The following COL28A1 variants were observed in gnomAD, a reference collection of about 807,000 sequenced individuals.
The protein encoded by COL28A1 is collagen type XXVIII alpha 1 chain, also known as collagen alpha-1(XXVIII) chain.
A neutral mutation model predicts 150.2 loss-of-function variants in COL28A1; 161 were observed. The observed-to-expected ratio is 1.07, with a 90% CI of 0.94 to 1.22. The LOEUF (loss-of-function observed/expected upper bound fraction) is 1.22. Among genes scored for constraint, COL28A1 ranks in the 50% most tolerant of loss-of-function variants. The pLI, the probability that COL28A1 is intolerant of heterozygous loss-of-function variation, is 0.00. For missense variants in COL28A1, 1,617 were observed against 1,388.3 expected (o/e 1.16, Z -2.62); for synonymous variants, 552 against 469.7 (o/e 1.18, Z -2.26).
intron 33 of COL28A1, among the ~76,000 whole-genome samples, chr7:7,366,950 T>C (rs1162878117): frequency 6.6e-6 from 1 of 152,232 alleles, no homozygotes; most frequent in Non-Finnish European, 1.5e-5. Context: ...TGTATGTGTG[T>C]ATGTATATAC....
chr7:7,385,104 T>A (rs1193365299), intron 27 of COL28A1, among the ~76,000 whole-genome samples: 3 of 152,220 alleles, frequency 2.0e-5, no homozygotes, highest in Admixed American at 6.5e-5. Context: ...TTATACCATC[T>A]TCTTCTGTTC....
intron 3 of COL28A1, among the ~76,000 whole-genome samples, chr7:7,529,753 C>T (rs1782243152): frequency 6.6e-6 from 1 of 152,220 alleles, no homozygotes; most frequent in Non-Finnish European, 1.5e-5. Context: ...TAAGTAACAA[C>T]AGCCCACTCA....
chr7:7,444,944 T>C (rs1224248276), intron 18 of COL28A1, among the ~76,000 whole-genome samples: 1 of 152,112 alleles, frequency 6.6e-6, no homozygotes, highest in Non-Finnish European at 1.5e-5. Context: ...CTTGCTGTTC[T>C]TATAATAGAG....
chr7:7,491,643 T>C (rs1779918697), intron 11 of COL28A1, among the ~76,000 whole-genome samples: 1 of 152,220 alleles, frequency 6.6e-6, no homozygotes, highest in South Asian at 2.1e-4. Flanking sequence ...GATGTGACCA[T>C]TGCACTCAAA....
At chr7:7,462,565 T>C (rs1426316989) in intron 15 of COL28A1, among the ~76,000 whole-genome samples, 2 of 152,024 alleles carry the variant, frequency 1.3e-5, no homozygotes, top group Non-Finnish European at 2.9e-5. Flanking sequence ...TGGACACACT[T>C]ACAGAAATGC....
chr7:7,423,571 CAT>C lies in COL28A1; in HGVS notation c.1999-3620_1999-3619del, dbSNP rs1197501015. Among the ~76,000 whole-genome samples, 405 of 151,730 alleles carry C rather than the reference CAT, an allele frequency of 2.7e-3. 2 individuals carry two copies. The highest frequency in any genetic ancestry group is 9.2e-3 in the African/African-American group (382 of 41,300). On this transcript the variant is annotated intron_variant, in intron 25 of 34. Transcript: ENST00000399429. ...AAATGTTACATAATTTTTTTTTTAA[CAT>C]AGGGATACGGAGAGAAGGCAAGATT...
rs867754886 is a variant in COL28A1 at position 7,386,260 on chromosome 7, C to T, written c.2137-4648G>A. Among the ~76,000 whole-genome samples the T allele has an allele frequency of 1.1e-4, 16 of 152,120 alleles. No homozygotes were observed. The East Asian group carries it at 2.1e-3, about 20-fold the overall frequency. ...CGTCAGGAAACAATGATTTTTCTTT[C>T]GAAATGTTTTCTCAGTAAGGTGTGG... On this transcript the variant is annotated intron_variant, in intron 27 of 34. Transcript: ENST00000399429.
At chr7:7,444,205 C>G (rs973390699) in intron 19 of COL28A1, among the ~76,000 whole-genome samples, 4 of 152,036 alleles carry the variant, frequency 2.6e-5, no homozygotes, top group African/African-American at 9.7e-5. Flanking sequence ...AAACACCAGA[C>G]AGAAGGCAGA....
At chr7:7,437,793 AT>A (rs1269129016) in intron 21 of COL28A1, among the ~76,000 whole-genome samples, 3 of 151,814 alleles carry the variant, frequency 2.0e-5, no homozygotes, top group East Asian at 1.9e-4. Context: ...CTCAAAGAGA[AT>A]TTTTTTTTCA....
intron 25 of COL28A1, among the ~76,000 whole-genome samples, chr7:7,425,094 T>C (rs1158147879): frequency 1.3e-5 from 2 of 151,680 alleles, no homozygotes; most frequent in Non-Finnish European, 2.9e-5. Context: ...ATAAAAATAA[T>C]ACTTATTAAG....
Position 7,419,947 on chromosome 7 carries a change from G to A in COL28A1, c.2005C>T (p.Pro669Ser), listed in dbSNP as rs1341961790. ...GVGDTGAKGE[P>S]GVRGPPGPSG... is the part of the protein sequence containing the mutation. ...GGACCTGGAGGGCCTCTGACCCCAG[G>A]CTCTCCCTGAAAAGACACAACAAAT... is the stretch of plus-strand genomic sequence containing the variant. Residue 669 changes from proline (P) to serine (S), a missense_variant, in exon 26 of 35, where the codon CCT (proline) becomes TCT (serine). Physicochemically the swap from Pro to Ser is moderately conservative, Grantham distance 74. Coordinates refer to ENST00000399429, the MANE Select transcript of COL28A1 (RefSeq NM_001037763.3). 1 of 1,588,770 alleles carries A rather than the reference G, an allele frequency of 6.3e-7. No homozygotes were observed. Among genetic ancestry groups the A allele is most frequent in the Non-Finnish European group, 8.5e-7 (1 of 1,169,850 alleles).
intron 12 of COL28A1, among the ~76,000 whole-genome samples, chr7:7,489,998 T>G (rs936811247): frequency 6.6e-6 from 1 of 152,252 alleles, no homozygotes; most frequent in Non-Finnish European, 1.5e-5. Context: ...TACACTGTTT[T>G]GTACTGCTTG....
intron 27 of COL28A1, among the ~76,000 whole-genome samples, chr7:7,399,834 GT>G (rs1783068039): frequency 6.6e-6 from 1 of 152,180 alleles, no homozygotes; most frequent in African/African-American, 2.4e-5. Flanking sequence ...GTAACCGCAA[GT>G]TAGAAAAATA....
chr7:7,535,104 T>C (rs189724165), intron 1 of COL28A1, among the ~76,000 whole-genome samples: 3 of 152,178 alleles, frequency 2.0e-5, no homozygotes, highest in Admixed American at 1.3e-4. Flanking sequence ...GCAAAATAGG[T>C]TTCAGAGGAA....
chr7:7,436,501 T>C (rs1169188885), intron 22 of COL28A1, 38 bp from the exon 23 acceptor site: 1 of 982,120 alleles, frequency 1.0e-6, no homozygotes. Flanking sequence ...GCTACAGTTG[T>C]GCGAGAAATC....
chr7:7,476,690 T>C (rs1788915542), intron 14 of COL28A1, among the ~76,000 whole-genome samples: 2 of 152,220 alleles, frequency 1.3e-5, no homozygotes, highest in Non-Finnish European at 2.9e-5. Context: ...GTTTCTGTAG[T>C]AAAATTTTCT....
intron 15 of COL28A1, among the ~76,000 whole-genome samples, chr7:7,463,429 A>C (rs912992858): frequency 3.9e-5 from 6 of 152,214 alleles, no homozygotes; most frequent in African/African-American, 1.4e-4. Flanking sequence ...TTTCCTGTAT[A>C]GGTAACCTAT....
chr7:7,440,165 T>C lies in COL28A1; in HGVS notation c.1722+625A>G, dbSNP rs191610043. On this transcript the variant is annotated intron_variant, in intron 21 of 34. Coordinates refer to ENST00000399429, the MANE Select transcript of COL28A1 (RefSeq NM_001037763.3). ...CTTCGCTTCTTCCTCAGCACTGTGT[T>C]ATCAACAATTTACCAGGACATAGAT... 1.3e-5 allele frequency among the ~76,000 whole-genome samples: 2 copies of C among 152,304 alleles called. 1 individual carries two copies. Among genetic ancestry groups the C allele is most frequent in the Admixed American group, 1.3e-4 (2 of 15,300 alleles).
At chr7:7,437,197 C>T (rs978009245) in intron 22 of COL28A1, among the ~76,000 whole-genome samples, 197 bp downstream of exon 22, 1 of 152,076 alleles carries the variant, frequency 6.6e-6, no homozygotes, top group Non-Finnish European at 1.5e-5. Flanking sequence ...AAGCTTGGGA[C>T]CAAGAGCACA....
Sources: allele counts gnomAD v4.1 joint callset (sites outside exome capture counted in the v4.1 genomes callset), GRCh38; gene constraint gnomAD v4.1.1; transcripts MANE v1.5; gene names NCBI Gene and HGNC (gene_info 2026-07-23, HGNC 2026-07-21).